BLK: variants seen among roughly 807,000 people sequenced by gnomAD.
BLK encodes tyrosine-protein kinase Blk.
Under a neutral mutation model 61.8 loss-of-function variants are expected in BLK, and 64 were observed. The ratio of observed to expected loss-of-function variants is 1.03; its 90% CI spans 0.85 to 1.27. The LOEUF (loss-of-function observed/expected upper bound fraction) is 1.27. Among genes scored for constraint, BLK ranks in the 50% most tolerant of loss-of-function variants. The probability of loss-of-function intolerance (pLI) is 0.00; values close to 1 mark genes in which losing one functional copy is unlikely to be tolerated. For missense variants in BLK, 853 were observed against 660.5 expected (o/e 1.29, Z -3.19); for synonymous variants, 351 against 272.0 (o/e 1.29, Z -2.86).
intron 8 of BLK, chr8:11,556,086 G>A (rs1801207908): frequency 4.4e-6 from 1 of 227,436 alleles, no homozygotes; most frequent in Non-Finnish European, 8.7e-6. Context: ...TGCCCACGGT[G>A]CTTTTGGCAG....
At chr8:11,508,769 G>A (rs999635019) in intron 1 of BLK, among the ~76,000 whole-genome samples, 5 of 152,184 alleles carry the variant, frequency 3.3e-5, no homozygotes, top group African/African-American at 1.2e-4. Context: ...CTCTCCTTCT[G>A]ACCCAAACGC....
At chr8:11,527,840 C>G (rs1167707494) in intron 1 of BLK, among the ~76,000 whole-genome samples, 2 of 151,812 alleles carry the variant, frequency 1.3e-5, no homozygotes, top group African/African-American at 4.8e-5. Flanking sequence ...ATCTACAGGA[C>G]CAAATGGGGG....
intron 1 of BLK, among the ~76,000 whole-genome samples, chr8:11,497,897 C>T (rs1261925938): frequency 6.6e-6 from 1 of 152,178 alleles, no homozygotes; most frequent in East Asian, 1.9e-4. Context: ...TGGCTCTGCA[C>T]CTGCCAGCTG....
chr8:11,499,552 G>A (rs763178630), intron 1 of BLK, among the ~76,000 whole-genome samples: 6 of 152,126 alleles, frequency 3.9e-5, no homozygotes, highest in Non-Finnish European at 8.8e-5. Context: ...GCTGAAGGCT[G>A]CATAAGAAAC....
At chr8:11,510,411 C>G (rs1798951107) in intron 1 of BLK, among the ~76,000 whole-genome samples, 1 of 152,120 alleles carries the variant, frequency 6.6e-6, no homozygotes, top group African/African-American at 2.4e-5. Context: ...GCTTTGGGTA[C>G]ATTTGTCCCA....
intron 6 of BLK, 63 bp downstream of exon 6, chr8:11,550,325 G>A: frequency 5.4e-6 from 8 of 1,494,280 alleles, no homozygotes; most frequent in South Asian, 1.1e-5. Context: ...GCCTCCAGAG[G>A]CCTGGCCCTG....
At chr8:11,554,255 A>G (rs1384526460) in intron 6 of BLK, 3 of 197,830 alleles carry the variant, frequency 1.5e-5, no homozygotes, top group Non-Finnish European at 3.2e-5. Flanking sequence ...GACTTTGAAC[A>G]GAGCCCCTGG....
chr8:11,554,325 T>TCGGTGGTC, intron 6 of BLK: 1 of 260,136 alleles, frequency 3.8e-6, no homozygotes, highest in Non-Finnish European at 7.5e-6. Flanking sequence ...AATGGCTATC[T>TCGGTGGTC]GCTTGTAGGA....
chr8:11,523,855 A>G (rs1337132484), intron 1 of BLK, among the ~76,000 whole-genome samples: 1 of 146,476 alleles, frequency 6.8e-6, no homozygotes, highest in East Asian at 2.0e-4. Flanking sequence ...TTTTTTTTTA[A>G]TTTGTTATAA....
chr8:11,564,042 G>A lies in BLK; in HGVS notation c.1452G>A (p.Glu484=). Residue 484 remains glutamate, a synonymous_variant, in exon 13 of 13, where the codon GAG becomes GAA. Coordinates refer to ENST00000259089, the MANE Select transcript of BLK (RefSeq NM_001715.3). The stretch of plus-strand genomic sequence containing the variant: ...GGCCCGAGGAGCGGCCCACCTTCGA[G>A]TTCCTGCAGTCGGTGCTGGAGGACT... ...RSRPEERPTF[E]FLQSVLEDFY... is the part of the protein sequence containing the mutation. The A allele has an allele frequency of 1.2e-6, 2 of 1,603,768 alleles. No homozygotes were observed. The highest frequency in any genetic ancestry group is 1.7e-6 in the Non-Finnish European group (2 of 1,178,580).
In BLK at chr8:11,555,429, G is replaced by C. The variant is rs748894201; in HGVS notation, c.717G>C (p.Gln239His). ...AGGATGAATGGGAGATCCCCCGGCA[G>C]TCTCTCAGGCTGGTCAGGAAACTCG... Reference protein sequence around the residue: ...WAQDEWEIPRQSLRLVRKLGS... With the variant: ...WAQDEWEIPRHSLRLVRKLGS... The change falls in exon 8 of 13, where the codon CAG becomes CAC. Residue 239 changes from glutamine to histidine, a missense_variant. By Grantham distance (24) the Gln-to-His change is conservative. Transcript: ENST00000259089. 1 of 1,614,198 alleles carries C rather than the reference G, an allele frequency of 6.2e-7. No homozygotes were observed. The highest frequency in any genetic ancestry group is 8.5e-7 in the Non-Finnish European group (1 of 1,180,020).
At chr8:11,501,418 G>A (rs985343997) in intron 1 of BLK, among the ~76,000 whole-genome samples, 1 of 149,784 alleles carries the variant, frequency 6.7e-6, no homozygotes, top group Non-Finnish European at 1.5e-5. Flanking sequence ...GTGTCTGTCT[G>A]TCTGTCTATC....
chr8:11,556,616 C>G, intron 8 of BLK, 42 bp from the exon 9 acceptor site: 1 of 1,613,414 alleles, frequency 6.2e-7, no homozygotes, highest in Non-Finnish European at 8.5e-7. Context: ...TCCGAGCAAG[C>G]TCTCTGTCTT....
rs181836528 is a variant in BLK at position 11,525,806 on chromosome 8, A to G, written c.-1-17418A>G. On this transcript the variant is annotated intron_variant, in intron 1 of 12. Transcript: ENST00000259089. ...GCCGCCCAGGCTGGAGTGCAGTGGC[A>G]TGATCTCGGCTCACTGTAATCTCTG... is the stretch of plus-strand genomic sequence containing the variant. 2.8e-3 allele frequency among the ~76,000 whole-genome samples: 424 copies of G among 152,182 alleles called. 4 individuals are homozygous for G. Among genetic ancestry groups the G allele is most frequent in the Non-Finnish European group, 2.9e-3 (199 of 68,010 alleles).
Position 11,554,869 on chromosome 8 carries a change from C to T in BLK, c.599C>T (p.Ala200Val). 2.5e-6 allele frequency: 4 copies of T among 1,613,566 alleles called. No homozygotes were observed. Among genetic ancestry groups the T allele is most frequent in the South Asian group, 1.1e-5 (1 of 91,068 alleles). ...CGGATCACCTTCCCCTCGCTCCAGGCCCTGGTGCAGCACTATTCTAGTAAG... is the reference window on the plus strand; with the variant it reads ...CGGATCACCTTCCCCTCGCTCCAGGTCCTGGTGCAGCACTATTCTAGTAAG... Reference protein sequence around the residue: ...SPRITFPSLQALVQHYSKKGD... With the variant: ...SPRITFPSLQVLVQHYSKKGD... Residue 200 changes from alanine to valine, a missense_variant, in exon 7 of 13, where the codon GCC becomes GTC. Ala to Val is a moderately conservative substitution (Grantham distance 64). Coordinates refer to ENST00000259089, the MANE Select transcript of BLK (RefSeq NM_001715.3).
intron 1 of BLK, among the ~76,000 whole-genome samples, chr8:11,528,978 A>G (rs1799784461): frequency 6.6e-6 from 1 of 152,160 alleles, no homozygotes; most frequent in African/African-American, 2.4e-5. Context: ...ATCAGGAAAA[A>G]TAGCTAATGG....
chr8:11,555,590 C>T lies in BLK; in HGVS notation c.772+106C>T, dbSNP rs919845038. 11 of 1,536,668 alleles carry T rather than the reference C, an allele frequency of 7.2e-6. No individual in the cohort carries two copies. In the African/African-American group the frequency reaches 1.5e-4, roughly 21 times the overall value. ...AGCGTGTCATCCCTCCCCCAGAAGT[C>T]TTGAGAGGGAGCGAGGACAGAGGCG... On this transcript the variant is annotated intron_variant, in intron 8 of 12. Coordinates refer to ENST00000259089, the MANE Select transcript of BLK (RefSeq NM_001715.3).
Position 11,561,458 on chromosome 8 carries a change from C to T in BLK, c.1180+6C>T. ...TGAATACACGGCCCAAGAGGGTAAGCACAGCCCCTAACCACAAGGGAAACC... is the reference window on the plus strand; with the variant it reads ...TGAATACACGGCCCAAGAGGGTAAGTACAGCCCCTAACCACAAGGGAAACC... On this transcript the variant is annotated splice_donor_region_variant and intron_variant, in intron 11 of 12. Coordinates refer to ENST00000259089, the MANE Select transcript of BLK (RefSeq NM_001715.3). The T allele has an allele frequency of 6.2e-7, 1 of 1,613,540 alleles. No individual in the cohort carries two copies. Among genetic ancestry groups the T allele is most frequent in the African/African-American group, 1.3e-5 (1 of 75,048 alleles).
At chr8:11,516,103 CA>C (rs1799213283) in intron 1 of BLK, among the ~76,000 whole-genome samples, 1 of 152,232 alleles carries the variant, frequency 6.6e-6, no homozygotes, top group Non-Finnish European at 1.5e-5. Flanking sequence ...GAAATTCCTT[CA>C]CATACTGCTA....
Sources: gnomAD v4.1 joint callset for allele counts (sites outside exome capture counted in the v4.1 genomes callset) on GRCh38, gnomAD v4.1.1 for gene constraint, MANE v1.5 for transcripts, NCBI Gene and HGNC (gene_info 2026-07-23, HGNC 2026-07-21) for gene names.